TMEM232: variants seen among roughly 807,000 people sequenced by gnomAD.
The protein encoded by TMEM232 is transmembrane protein 232.
TMEM232 carries 80 observed loss-of-function variants against 78.8 expected under a neutral mutation model. The ratio of observed to expected loss-of-function variants is 1.01; its 90% CI spans 0.85 to 1.22. TMEM232 has a LOEUF of 1.22. Among genes scored for constraint, TMEM232 ranks in the 50% most tolerant of loss-of-function variants. TMEM232 has a pLI of 0.00. For synonymous variants in TMEM232, 297 were observed against 254.3 expected, an observed-to-expected ratio of 1.17 and a Z score of -1.60; for missense variants, 881 against 742.2, an observed-to-expected ratio of 1.19 and a Z score of -2.17.
intron 1 of TMEM232, among the ~76,000 whole-genome samples, chr5:110,695,067 G>T (rs1794609109): frequency 6.6e-6 from 1 of 152,160 alleles, no homozygotes; most frequent in Non-Finnish European, 1.5e-5. Context: ...GCACTCCTCA[G>T]CAAATGTAAA....
chr5:110,532,985 T>C (rs1771773078), intron 11 of TMEM232, among the ~76,000 whole-genome samples: 1 of 152,204 alleles, frequency 6.6e-6, no homozygotes. Context: ...GATCTGCGCC[T>C]TATCAACCAA....
rs1756535766 is a variant in TMEM232, at chr5:110,420,681, C to G, written c.1873G>C (p.Ala625Pro). ...KAQELKDKKL[A>P]EKNHFQEVMK... ...ACTTCTTGAAAGTGATTTTTCTCTG[C>G]TAACTTTTTATCTTTAAGTTCTTGG... Residue 625 changes from alanine (A) to proline (P), a missense_variant, in exon 14 of 14, where the codon GCA becomes CCA. Transcript: ENST00000455884. 1 of 1,526,138 alleles carries G rather than the reference C, an allele frequency of 6.6e-7. No homozygotes were observed. Among genetic ancestry groups the G allele is most frequent in the African/African-American group, 1.4e-5 (1 of 72,028 alleles). 94.5% of individuals were successfully genotyped at this position (1,526,138 alleles called of 1,614,324 possible).
chr5:110,423,023 C>G (rs903555136), intron 13 of TMEM232, among the ~76,000 whole-genome samples: 5 of 152,164 alleles, frequency 3.3e-5, no homozygotes, highest in African/African-American at 1.2e-4. Flanking sequence ...ACCTTAATAT[C>G]TCCTAAGCAA....
intron 1 of TMEM232, among the ~76,000 whole-genome samples, chr5:110,718,583 G>C (rs1196430220): frequency 6.6e-6 from 1 of 151,934 alleles, no homozygotes; most frequent in East Asian, 1.9e-4. Flanking sequence ...GATTTCTTCT[G>C]TATTTATCCT....
At chr5:110,640,407 A>AT (rs139206838) in intron 4 of TMEM232, among the ~76,000 whole-genome samples, 7,932 of 150,156 alleles carry the variant, frequency 0.053, 679 homozygotes, top group African/African-American at 0.18. Context: ...ACGTTGTTTA[A>AT]TTTTTTTTTT....
intron 2 of TMEM232, among the ~76,000 whole-genome samples, chr5:110,400,824 T>TACTGTA (rs1345896532): frequency 6.6e-6 from 1 of 152,118 alleles, no homozygotes; most frequent in Admixed American, 6.6e-5. Context: ...CTGGTTATCA[T>TACTGTA]ACTGGTTGAT....
intron 11 of TMEM232, among the ~76,000 whole-genome samples, chr5:110,558,946 G>A (rs1775436349): frequency 6.6e-6 from 1 of 152,088 alleles, no homozygotes; most frequent in Admixed American, 6.6e-5. Flanking sequence ...CCCCATGCAG[G>A]GTTCCCAGCT....
intron 10 of TMEM232, among the ~76,000 whole-genome samples, chr5:110,594,349 G>GCCCCAGGTTT (rs1779893076): frequency 6.6e-6 from 1 of 152,064 alleles, no homozygotes; most frequent in Non-Finnish European, 1.5e-5. Flanking sequence ...TACCACCAGG[G>GCCCCAGGTTT]CCCCAGGTTT....
chr5:110,524,414 A>AAGAAAAGAAAAG (rs774546033), intron 12 of TMEM232, among the ~76,000 whole-genome samples: 1 of 65,908 alleles, frequency 1.5e-5, no homozygotes, highest in African/African-American at 4.8e-5. Context: ...AAAGAAAGAA[A>AAGAAAAGAAAAG]GAAAAGAAAA....
At chr5:110,425,963 G>C (rs994086742) in intron 12 of TMEM232, among the ~76,000 whole-genome samples, 1 of 152,112 alleles carries the variant, frequency 6.6e-6, no homozygotes, top group Non-Finnish European at 1.5e-5. Flanking sequence ...ATTTGTTAAA[G>C]TGGTTTTGCC....
chr5:110,535,006 C>T (rs1772107497), intron 11 of TMEM232, among the ~76,000 whole-genome samples: 1 of 152,108 alleles, frequency 6.6e-6, no homozygotes, highest in African/African-American at 2.4e-5. Flanking sequence ...CCGCTCAAAG[C>T]AGCCCTGAGA....
intron 1 of TMEM232, among the ~76,000 whole-genome samples, chr5:110,692,975 G>T (rs902672605): frequency 6.6e-6 from 1 of 152,192 alleles, no homozygotes; most frequent in Non-Finnish European, 1.5e-5. Context: ...CCAGCACGCA[G>T]TTCGAGATCT....
At chr5:110,639,451 G>C (rs1420856850) in intron 4 of TMEM232, among the ~76,000 whole-genome samples, 1 of 152,106 alleles carries the variant, frequency 6.6e-6, no homozygotes, top group Non-Finnish European at 1.5e-5. Flanking sequence ...AGGTTCCAGG[G>C]ACAGCTAAGA....
At chr5:110,463,688 C>A (rs1761776237) in intron 12 of TMEM232, among the ~76,000 whole-genome samples, 1 of 152,160 alleles carries the variant, frequency 6.6e-6, no homozygotes, top group Non-Finnish European at 1.5e-5. Context: ...AGTCTTACTC[C>A]TAAGGCCTCT....
chr5:110,727,093 C>A (rs543287607), upstream of TMEM232, among the ~76,000 whole-genome samples: 1 of 152,144 alleles, frequency 6.6e-6, no homozygotes, highest in Non-Finnish European at 1.5e-5. Context: ...AGTGAGTAAA[C>A]AAAGCACCTA....
intron 1 of TMEM232, among the ~76,000 whole-genome samples, chr5:110,672,136 A>C (rs1791436511): frequency 6.6e-6 from 1 of 152,200 alleles, no homozygotes; most frequent in Admixed American, 6.6e-5. Flanking sequence ...CTATTTCTTG[A>C]GATATTTCAC....
rs116456667 is a variant in TMEM232, at chr5:110,495,401, G to A, written c.1703+33187C>T. ...ATCAGGATTTTTTAAAGTTATCCCA[G>A]GTAGTTCTAATGTGCAATAAAGTAT... On this transcript the variant is annotated intron_variant, in intron 12 of 13. Transcript: ENST00000455884. 3.1e-3 allele frequency among the ~76,000 whole-genome samples: 466 copies of A among 151,906 alleles called. 3 individuals carry two copies. The highest frequency in any genetic ancestry group is 0.011 in the African/African-American group (451 of 41,510).
At chr5:110,646,727 C>CA (rs1453816339) in intron 2 of TMEM232, among the ~76,000 whole-genome samples, 1 of 151,778 alleles carries the variant, frequency 6.6e-6, no homozygotes, top group Non-Finnish European at 1.5e-5. Flanking sequence ...AGTATAAAAA[C>CA]AATCAACAGA....
At chr5:110,530,060 A>C (rs1771201969) in intron 11 of TMEM232, among the ~76,000 whole-genome samples, 1 of 152,198 alleles carries the variant, frequency 6.6e-6, no homozygotes, top group Admixed American at 6.5e-5. Flanking sequence ...AGAAATAGAA[A>C]ATGTTTTTCT....
Sources: gnomAD v4.1 joint callset for allele counts (sites outside exome capture counted in the v4.1 genomes callset) on GRCh38, gnomAD v4.1.1 for gene constraint, MANE v1.5 for transcripts, NCBI Gene and HGNC (gene_info 2026-07-23, HGNC 2026-07-21) for gene names.